The following CD36 variants were observed in gnomAD, a reference collection of about 807,000 sequenced individuals.
The protein encoded by CD36 is platelet glycoprotein 4.
Under a neutral mutation model 55.2 loss-of-function variants are expected in CD36, and 119 were observed. The ratio of observed to expected loss-of-function variants is 2.15; its 90% confidence interval spans 1.86 to 2.51. The LOEUF (loss-of-function observed/expected upper bound fraction) is 2.51, where lower values mean the gene tolerates loss of function less well. Among genes scored for constraint, CD36 ranks in the 30% most tolerant of loss-of-function variants. CD36 has a pLI of 0.00. For synonymous variants in CD36, 186 were observed against 193.6 expected (o/e 0.96, Z 0.33); for missense variants, 819 against 555.5 (o/e 1.47, Z -4.77).
At chr7:80,611,521 A>G (rs13225492) in intron 1 of CD36, among the ~76,000 whole-genome samples, 51,107 of 152,050 alleles carry the variant, frequency 0.34, 8,832 homozygotes, top group South Asian at 0.46. Context: ...ATTACTGCCA[A>G]TGTCCTTTCT....
rs112774255 is a variant in CD36 at position 80,665,153 on chromosome 7, C to A, written c.701+656C>A. On this transcript the variant is annotated intron_variant, in intron 7 of 14. Transcript: ENST00000447544. ...AATGTGAAAATGAAGACTTTGCCAA[C>A]TTTAAAGTGGTAAAATAACAAATCA... Among the ~76,000 whole-genome samples, 361 of 151,386 alleles carry A rather than the reference C, an allele frequency of 2.4e-3. 1 individual carries two copies. The highest frequency in any genetic ancestry group is 8.5e-3 in the African/African-American group (353 of 41,306).
At chr7:80,634,087 G>A (rs1794244218), upstream of CD36, among the ~76,000 whole-genome samples, 1 of 151,830 alleles carries the variant, frequency 6.6e-6, no homozygotes, top group Non-Finnish European at 1.5e-5. Context: ...AAAGAGTATA[G>A]GCCCTTCAGT....
At chr7:80,616,127 G>A (rs1002260119) in intron 1 of CD36, among the ~76,000 whole-genome samples, 2 of 152,018 alleles carry the variant, frequency 1.3e-5, no homozygotes, top group Admixed American at 1.3e-4. Context: ...TCCCAATAAA[G>A]CTAGTGTAAG....
upstream of CD36, among the ~76,000 whole-genome samples, chr7:80,636,466 T>G (rs142586469): frequency 8.3e-4 from 124 of 149,922 alleles, no homozygotes; most frequent in African/African-American, 2.7e-3. Context: ...TCAATATAAC[T>G]AGGGCCCGGT....
rs1266622220 is a variant in CD36, at chr7:80,661,328, C to T, written c.429+118C>T. On this transcript the variant is annotated intron_variant, in intron 5 of 14. Coordinates refer to ENST00000447544, the MANE Select transcript of CD36 (RefSeq NM_001001548.3). Reference sequence around the variant, plus strand: ...TTTCCATTTTTATCAAAACGTATTCCTATATCATTATTTTGAATGGAGGCA... The same window carrying T: ...TTTCCATTTTTATCAAAACGTATTCTTATATCATTATTTTGAATGGAGGCA... 3 of 966,832 alleles carry T rather than the reference C, an allele frequency of 3.1e-6. No homozygotes were observed. The African/African-American group carries it at 4.9e-5, about 16-fold the overall frequency. The allele number at this position is 966,832 out of a possible 1,614,324, so 59.9% of individuals were successfully genotyped here. A position where few individuals can be genotyped will look rare whatever the true frequency, so the allele number is the denominator to read the frequency against.
chr7:80,640,759 C>T (rs907474193), intron 1 of CD36, among the ~76,000 whole-genome samples: 17 of 151,898 alleles, frequency 1.1e-4, no homozygotes, highest in Non-Finnish European at 2.2e-4. Context: ...CTTTAAAAGA[C>T]GGGACTTGTT....
intron 1 of CD36, among the ~76,000 whole-genome samples, chr7:80,615,886 T>C (rs1467763505): frequency 2.0e-5 from 3 of 152,200 alleles, no homozygotes; most frequent in Admixed American, 1.3e-4. Context: ...GTTAATTTTA[T>C]AGTTCACTTT....
Position 80,663,116 on chromosome 7 carries a change from T to G in CD36, c.556T>G (p.Phe186Val), listed in dbSNP as rs774272468. 1.9e-6 allele frequency: 3 copies of G among 1,613,740 alleles called. No homozygotes were observed. In the South Asian group the frequency reaches 3.3e-5, roughly 18 times the overall value. Residue 186 changes from phenylalanine to valine, a missense_variant, in exon 6 of 15, where the codon TTT (phenylalanine) becomes GTT (valine). Phe to Val is a conservative substitution (Grantham distance 50). Transcript: ENST00000447544. ...RELLWGYRDP[F>V]LSLVPYPVTT... Reference sequence around the variant, plus strand: ...ACTGTTATGGGGCTATAGGGATCCATTTTTGAGTTTGGTTCCGTACCCTGT... The same window carrying G: ...ACTGTTATGGGGCTATAGGGATCCAGTTTTGAGTTTGGTTCCGTACCCTGT...
rs763903908 is a variant in CD36 at position 80,673,974 on chromosome 7, TGATTACA to T, written c.1255-6_1255del. ...ACCCAAATAATGTTGATTATTAACT[TGATTACA>T]GACTGGGACCATTGGTGATGAGAAG... On this transcript the variant is annotated splice_acceptor_variant and splice_polypyrimidine_tract_variant and intron_variant, in intron 13 of 14. Transcript: ENST00000447544. LOFTEE classifies it high-confidence loss of function. The T allele has an allele frequency of 5.6e-6, 9 of 1,608,748 alleles. No individual in the cohort carries two copies. The South Asian group carries it at 9.9e-5, about 18-fold the overall frequency.
chr7:80,668,583 G>C (rs1056312867), intron 8 of CD36, among the ~76,000 whole-genome samples: 1 of 152,172 alleles, frequency 6.6e-6, no homozygotes, highest in Non-Finnish European at 1.5e-5. Flanking sequence ...CTATGTTGCA[G>C]TCATTGTCCA....
intron 1 of CD36, among the ~76,000 whole-genome samples, chr7:80,603,073 G>A (rs910831437): frequency 5.9e-5 from 9 of 152,104 alleles, no homozygotes; most frequent in Non-Finnish European, 1.0e-4. Context: ...TATTTGTGGG[G>A]TGGGGGCAGA....
chr7:80,645,945 G>C (rs1795138028), intron 1 of CD36, 143 bp from the exon 2 acceptor site: 2 of 152,276 alleles, frequency 1.3e-5, no homozygotes, highest in South Asian at 4.1e-4. Flanking sequence ...TTTAGGACAA[G>C]CCATTCAGGC....
At chr7:80,672,721 A>G (rs1797816904) in intron 11 of CD36, 49 bp from the exon 12 acceptor site, 3 of 1,297,628 alleles carry the variant, frequency 2.3e-6, no homozygotes, top group Non-Finnish European at 3.3e-6. Context: ...TGAATAGTAT[A>G]AAATAATGTT....
upstream of CD36, among the ~76,000 whole-genome samples, chr7:80,635,019 G>A (rs1397436324): frequency 6.6e-6 from 1 of 151,628 alleles, no homozygotes; most frequent in Non-Finnish European, 1.5e-5. Flanking sequence ...GCAATTTATG[G>A]AAAAAAAGGT....
intron 1 of CD36, among the ~76,000 whole-genome samples, chr7:80,640,789 T>C (rs1584350186): frequency 6.6e-6 from 1 of 152,086 alleles, no homozygotes; most frequent in Non-Finnish European, 1.5e-5. Context: ...ATCCCAAGTA[T>C]AATATATAAA....
chr7:80,648,326 G>A (rs1356311742), intron 3 of CD36, among the ~76,000 whole-genome samples: 7 of 152,004 alleles, frequency 4.6e-5, no homozygotes, highest in Non-Finnish European at 1.0e-4. Flanking sequence ...ACATCATTTG[G>A]AAAAGTTTTC....
At chr7:80,667,643 G>A (rs1405198874) in intron 8 of CD36, among the ~76,000 whole-genome samples, 2 of 121,500 alleles carry the variant, frequency 1.6e-5, no homozygotes, top group African/African-American at 2.6e-5. Context: ...TATTGACTTC[G>A]TATGCGTACT....
At chr7:80,674,830 A>C (rs1362955465) in intron 14 of CD36, among the ~76,000 whole-genome samples, 1 of 152,026 alleles carries the variant, frequency 6.6e-6, no homozygotes, top group Non-Finnish European at 1.5e-5. Context: ...AGGCAATGTA[A>C]ATAAAAGCAG....
chr7:80,667,747 G>GTTTTTTTTTTTTTTTTTTTTTTTT (rs1165767460), intron 8 of CD36, among the ~76,000 whole-genome samples: 1 of 82,636 alleles, frequency 1.2e-5, no homozygotes, highest in African/African-American at 4.2e-5. Context: ...GTTTTCTTTT[G>GTTTTTTTTTTTTTTTTTTTTTTTT]TTTTTTTTTT....
Sources: gnomAD v4.1 joint callset for allele counts (sites outside exome capture counted in the v4.1 genomes callset) on GRCh38, gnomAD v4.1.1 for gene constraint, MANE v1.5 for transcripts, NCBI Gene and HGNC (gene_info 2026-07-23, HGNC 2026-07-21) for gene names.